Variants in STPG2 observed in about 807,000 individuals in gnomAD.
STPG2 encodes sperm tail PG-rich repeat containing 2, also known as sperm-tail PG-rich repeat-containing protein 2.
In STPG2, 56 loss-of-function variants were observed where a neutral mutation model predicts 54.2. That is an observed-to-expected ratio of 1.03 (90% CI 0.83 to 1.29). The LOEUF is 1.29. Ranked by LOEUF, STPG2 falls within the 50% of genes most tolerant of loss-of-function variation. The pLI is 0.00. For missense variants in STPG2, 596 were observed against 544.9 expected (o/e 1.09, Z -0.93); for synonymous variants, 200 against 181.8 (o/e 1.10, Z -0.81).
Position 97,736,332 on chromosome 4 carries a change from CA to C in STPG2, c.1205-23519del, listed in dbSNP as rs1464310724. Reference sequence around the variant, plus strand: ...TCCATCTGAGGTACCAGGTTCATCTCACTAGGGAGTGCCAGACAGTGGGCGC... The same window carrying C: ...TCCATCTGAGGTACCAGGTTCATCTCCTAGGGAGTGCCAGACAGTGGGCGC... On this transcript the variant is annotated intron_variant, in intron 9 of 10. Coordinates refer to ENST00000295268, the MANE Select transcript of STPG2 (RefSeq NM_174952.3). Among the ~76,000 whole-genome samples the C allele has an allele frequency of 2.0e-5, 3 of 152,174 alleles. No homozygotes were observed. In the East Asian group the frequency reaches 5.8e-4, roughly 29 times the overall value.
chr4:97,602,217 T>C (rs756772026), intron 10 of STPG2, among the ~76,000 whole-genome samples: 43 of 151,824 alleles, frequency 2.8e-4, no homozygotes, highest in Non-Finnish European at 3.0e-5. Flanking sequence ...TTTCATTTTA[T>C]CCATGTACTA....
intron 5 of STPG2, among the ~76,000 whole-genome samples, chr4:98,028,208 C>T (rs370398331): frequency 1.1e-4 from 16 of 152,312 alleles, no homozygotes; most frequent in East Asian, 5.8e-4. Flanking sequence ...AGTGAATCTT[C>T]GAATTTGAGT....
At chr4:97,787,061 C>T (rs260900) in intron 9 of STPG2, among the ~76,000 whole-genome samples, 17,700 of 152,044 alleles carry the variant, frequency 0.12, 1,441 homozygotes, top group East Asian at 0.36. Context: ...TTTATTTGAC[C>T]TTTCATCCTG....
chr4:98,064,230 G>C (rs192569632), intron 5 of STPG2, among the ~76,000 whole-genome samples: 1 of 152,064 alleles, frequency 6.6e-6, no homozygotes, highest in Non-Finnish European at 1.5e-5. Flanking sequence ...ATTTTGCCAC[G>C]AAGCTCTCTG....
chr4:98,130,818 A>ATGATC (rs1739966792), intron 2 of STPG2, among the ~76,000 whole-genome samples: 1 of 150,590 alleles, frequency 6.6e-6, no homozygotes, highest in South Asian at 2.1e-4. Flanking sequence ...GCTACTCAAG[A>ATGATC]AGCTGTGGCA....
At chr4:97,892,039 T>C (rs1221482018) in intron 8 of STPG2, among the ~76,000 whole-genome samples, 1 of 152,120 alleles carries the variant, frequency 6.6e-6, no homozygotes, top group Non-Finnish European at 1.5e-5. Context: ...AGAAGTCATC[T>C]GCATAACTTC....
intron 3 of STPG2, among the ~76,000 whole-genome samples, chr4:98,120,144 A>G (rs746037805): frequency 2.6e-5 from 4 of 152,170 alleles, no homozygotes; most frequent in Admixed American, 6.5e-5. Context: ...ACAGTGGCTC[A>G]ATCTTAGCTC....
At chr4:97,994,809 C>T (rs972325180) in intron 5 of STPG2, among the ~76,000 whole-genome samples, 1 of 152,094 alleles carries the variant, frequency 6.6e-6, no homozygotes, top group Non-Finnish European at 1.5e-5. Context: ...TTCAAGAGCA[C>T]ATCAGCTGCA....
At chr4:97,583,727 T>C (rs1334106458) in intron 10 of STPG2, among the ~76,000 whole-genome samples, 1 of 151,950 alleles carries the variant, frequency 6.6e-6, no homozygotes, top group Non-Finnish European at 1.5e-5. Flanking sequence ...GGTATAGCTA[T>C]TTTTATATCA....
intron 4 of STPG2, among the ~76,000 whole-genome samples, chr4:97,445,476 G>T (rs1259153477): frequency 6.6e-6 from 1 of 152,068 alleles, no homozygotes. Flanking sequence ...AATCTTAATA[G>T]TATATTTTAT....
At chr4:97,957,283 G>A (rs1733716488) in intron 7 of STPG2, among the ~76,000 whole-genome samples, 1 of 150,932 alleles carries the variant, frequency 6.6e-6, no homozygotes, top group Non-Finnish European at 1.5e-5. Flanking sequence ...AATGCAAAAT[G>A]CTCTGGAAAG....
At chr4:97,740,421 T>A (rs1489097456) in intron 9 of STPG2, among the ~76,000 whole-genome samples, 2 of 152,132 alleles carry the variant, frequency 1.3e-5, no homozygotes, top group Admixed American at 6.6e-5. Flanking sequence ...GAAGTCAAAT[T>A]GTCCCTGTTT....
intron 6 of STPG2, among the ~76,000 whole-genome samples, chr4:97,977,619 T>C (rs532388570): frequency 6.6e-6 from 1 of 152,300 alleles, no homozygotes; most frequent in African/African-American, 2.4e-5. Context: ...CCCAGATCAA[T>C]CTGTAAAGCA....
At chr4:97,798,074 CTCT>C (rs1161604851) in intron 9 of STPG2, among the ~76,000 whole-genome samples, 1 of 151,596 alleles carries the variant, frequency 6.6e-6, no homozygotes, top group Non-Finnish European at 1.5e-5. Flanking sequence ...TGATTCTTCT[CTCT>C]TCTTTATTAC....
chr4:97,542,670 C>T (rs895266655), intron 4 of STPG2, among the ~76,000 whole-genome samples: 3 of 152,034 alleles, frequency 2.0e-5, no homozygotes, highest in East Asian at 1.9e-4. Flanking sequence ...CACATGCACA[C>T]GTATGTTTAT....
At chr4:97,693,702 G>A (rs1480324978) in intron 10 of STPG2, among the ~76,000 whole-genome samples, 1 of 152,016 alleles carries the variant, frequency 6.6e-6, no homozygotes, top group Admixed American at 6.6e-5. Context: ...CCCAACAATT[G>A]CAAAATATAC....
chr4:97,779,401 T>G (rs1014230889), intron 9 of STPG2, among the ~76,000 whole-genome samples: 3 of 152,004 alleles, frequency 2.0e-5, no homozygotes, highest in African/African-American at 7.3e-5. Flanking sequence ...TAAAAAGAAA[T>G]GAACAAAGCC....
intron 8 of STPG2, among the ~76,000 whole-genome samples, chr4:97,850,454 C>G (rs1355805338): frequency 6.9e-6 from 1 of 144,388 alleles, no homozygotes; most frequent in Non-Finnish European, 1.5e-5. Flanking sequence ...AGTAATTTTA[C>G]CATTTTTTTT....
intron 5 of STPG2, among the ~76,000 whole-genome samples, chr4:98,061,616 ATT>A (rs74911493): frequency 0.4 from 59,841 of 151,328 alleles, 12,041 homozygotes; most frequent in Middle Eastern, 0.47. Flanking sequence ...GAAAAAAAAA[ATT>A]TTAAAAAGTG....
Sources: gnomAD v4.1 joint callset for allele counts (sites outside exome capture counted in the v4.1 genomes callset) on GRCh38, gnomAD v4.1.1 for gene constraint, MANE v1.5 for transcripts, NCBI Gene and HGNC (gene_info 2026-07-23, HGNC 2026-07-21) for gene names.